DGCR8: variants seen among roughly 807,000 people sequenced by gnomAD.
DGCR8 encodes the protein microprocessor complex subunit DGCR8.
Under a neutral mutation model 78.5 loss-of-function variants are expected in DGCR8, and 14 were observed. The observed-to-expected ratio is 0.18, with a 90% CI of 0.12 to 0.28. DGCR8 has a LOEUF of 0.28. Among genes scored for constraint, DGCR8 ranks in the 10% least tolerant of loss-of-function variants. DGCR8 has a pLI of 1.00. For synonymous variants in DGCR8, 399 were observed against 402.4 expected (o/e 0.99, Z 0.10); for missense variants, 702 against 1,022.5 (o/e 0.69, Z 4.28).
Position 20,085,930 on chromosome 22 carries a change from C to T in DGCR8, c.-34C>T. The T allele has an allele frequency of 2.0e-6, 3 of 1,508,990 alleles. No homozygotes were observed. The highest frequency in any genetic ancestry group is 2.6e-6 in the Non-Finnish European group (3 of 1,134,906). The allele number at this position is 1,508,990 out of a possible 1,614,324, so 93.5% of individuals were successfully genotyped here. A position where few individuals can be genotyped will look rare whatever the true frequency, so the allele number is the denominator to read the frequency against. On this transcript the variant is annotated 5_prime_UTR_variant, in exon 2 of 14. Coordinates refer to ENST00000351989, the MANE Select transcript of DGCR8 (RefSeq NM_022720.7). This position sits in a 1 kb window ranked among gnomAD's most constrained non-coding sequence, Gnocchi z 6.2. ...GATTTATGTGAGGGCTTGTAAAACT[C>T]TGGTCTTGTAAACTAGTCTTAAGCG...
In DGCR8 at chr22:20,111,427, C is replaced by T; in HGVS notation, c.*1319C>T. Reference sequence around the variant, plus strand: ...TGTGGGCCGCCCACAACATATCCTTCCCTCACTACCTGTGTGACCAAGGTT... The same window carrying T: ...TGTGGGCCGCCCACAACATATCCTTTCCTCACTACCTGTGTGACCAAGGTT... On this transcript the variant is annotated 3_prime_UTR_variant, in exon 14 of 14. Coordinates refer to ENST00000351989, the MANE Select transcript of DGCR8 (RefSeq NM_022720.7). The T allele has an allele frequency of 5.0e-6, 2 of 397,926 alleles. No homozygotes were observed. The highest frequency in any genetic ancestry group is 4.4e-6 in the Non-Finnish European group (1 of 225,972). 24.6% of individuals were successfully genotyped at this position (397,926 alleles called of 1,614,324 possible). A position where few individuals can be genotyped will look rare whatever the true frequency, so the allele number is the denominator to read the frequency against.
chr22:20,080,385 T>C lies in DGCR8; in HGVS notation c.-278+2T>C. Reference sequence around the variant, plus strand: ...TTGGGCAGCCCGCGGGCGCCTCAGGTAGGTGCGGGGCGCGAGGGGCGCCCG... The same window carrying C: ...TTGGGCAGCCCGCGGGCGCCTCAGGCAGGTGCGGGGCGCGAGGGGCGCCCG... On this transcript the variant is annotated splice_donor_variant, in intron 1 of 13. Transcript: ENST00000351989. LOFTEE classifies it low-confidence loss of function (5UTR_SPLICE). 1 of 932,180 alleles carries C rather than the reference T, an allele frequency of 1.1e-6. No individual in the cohort carries two copies. The highest frequency in any genetic ancestry group is 1.2e-6 in the Non-Finnish European group (1 of 809,956). 57.7% of individuals were successfully genotyped at this position (932,180 alleles called of 1,614,324 possible). A position where few individuals can be genotyped will look rare whatever the true frequency, so the allele number is the denominator to read the frequency against.
Position 20,110,831 on chromosome 22 carries a change from TTAATTCCC to T in DGCR8, c.*727_*734del, listed in dbSNP as rs1294600802. On this transcript the variant is annotated 3_prime_UTR_variant, in exon 14 of 14. Transcript: ENST00000351989. Reference sequence around the variant, plus strand: ...TAGGGTCCCTTTTTCTGATGAAGTCTTAATTCCCTAAAAGCGCCTCTTTGGACACTGAG... The same window carrying T: ...TAGGGTCCCTTTTTCTGATGAAGTCTTAAAAGCGCCTCTTTGGACACTGAG... 2 of 197,754 alleles carry T rather than the reference TTAATTCCC, an allele frequency of 1.0e-5. No individual in the cohort carries two copies. The highest frequency in any genetic ancestry group is 4.6e-5 in the African/African-American group (2 of 43,240). The allele number at this position is 197,754 out of a possible 1,614,324, so 12.2% of individuals were successfully genotyped here.
intron 1 of DGCR8, chr22:20,080,725 T>C (rs1259902112): frequency 2.6e-5 from 4 of 154,546 alleles, no homozygotes; most frequent in African/African-American, 9.6e-5. Context: ...CCCTGCCGGC[T>C]TTAACACAGT....
chr22:20,107,620 G>C, intron 12 of DGCR8: 1 of 571,730 alleles, frequency 1.7e-6, no homozygotes, highest in South Asian at 2.0e-5. Context: ...GTGGGTGATT[G>C]GGAACGCAGG....
At chr22:20,084,880 C>T in intron 1 of DGCR8, 3 of 672,454 alleles carry the variant, frequency 4.5e-6, no homozygotes, top group Non-Finnish European at 5.5e-6. Context: ...TGTGGGTCTC[C>T]CCTCTCAAGT....
intron 8 of DGCR8, among the ~76,000 whole-genome samples, chr22:20,094,447 G>A (rs377762234): frequency 2.6e-5 from 4 of 152,178 alleles, no homozygotes; most frequent in African/African-American, 9.7e-5. Flanking sequence ...ATACAGCTCC[G>A]AGCTCCTCCC....
chr22:20,093,057 A>T, intron 8 of DGCR8, 150 bp downstream of exon 8: 1 of 601,476 alleles, frequency 1.7e-6, no homozygotes, highest in Non-Finnish European at 2.8e-6. Flanking sequence ...TTTGATTTTT[A>T]AAATTACATG....
chr22:20,094,707 TC>T lies in DGCR8; in HGVS notation c.1706-5del, dbSNP rs2049607277. ...AGCCTCACCCTCGGGCTCTTTTTTT[TC>T]ATAGCCCGAGCTACACTGGAAATCC... is the stretch of plus-strand genomic sequence containing the variant. On this transcript the variant is annotated splice_polypyrimidine_tract_variant and splice_region_variant and intron_variant, in intron 8 of 13. Coordinates refer to ENST00000351989, the MANE Select transcript of DGCR8 (RefSeq NM_022720.7). The T allele has an allele frequency of 6.2e-7, 1 of 1,613,658 alleles. No individual in the cohort carries two copies. The highest frequency in any genetic ancestry group is 8.5e-7 in the Non-Finnish European group (1 of 1,179,830).
chr22:20,106,156 A>G, intron 9 of DGCR8, 21 bp from the exon 10 acceptor site: 1 of 1,611,188 alleles, frequency 6.2e-7, no homozygotes, highest in Non-Finnish European at 8.5e-7. Flanking sequence ...GGGACTCACA[A>G]GCCTCTGCTT....
rs2049403128 is a variant in DGCR8, at chr22:20,080,379, C to T, written c.-282C>T. The stretch of plus-strand genomic sequence containing the variant: ...GGCGGCTTGGGCAGCCCGCGGGCGC[C>T]TCAGGTAGGTGCGGGGCGCGAGGGG... On this transcript the variant is annotated 5_prime_UTR_variant, in exon 1 of 14. Coordinates refer to ENST00000351989, the MANE Select transcript of DGCR8 (RefSeq NM_022720.7). 1.0e-6 allele frequency: 1 copy of T among 959,752 alleles called. No homozygotes were observed. Among genetic ancestry groups the T allele is most frequent in the Non-Finnish European group, 1.2e-6 (1 of 820,790 alleles). 59.5% of individuals were successfully genotyped at this position (959,752 alleles called of 1,614,324 possible).
At chr22:20,101,892 A>T (rs2049706548) in intron 9 of DGCR8, 2 of 985,190 alleles carry the variant, frequency 2.0e-6, no homozygotes, top group Non-Finnish European at 2.4e-6. Context: ...ACATGTCAGG[A>T]GGGGCGGGTT....
chr22:20,097,360 G>A (rs1047823978), intron 9 of DGCR8, among the ~76,000 whole-genome samples: 23 of 152,218 alleles, frequency 1.5e-4, no homozygotes, highest in African/African-American at 5.1e-4. Context: ...CATGTTATAG[G>A]TCTATTGAGA....
intron 8 of DGCR8, among the ~76,000 whole-genome samples, chr22:20,093,296 T>C (rs1184677752): frequency 6.6e-6 from 1 of 151,888 alleles, no homozygotes; most frequent in Non-Finnish European, 1.5e-5. Flanking sequence ...TCTCAGCTAC[T>C]CGGGAGGCTG....
intron 12 of DGCR8, chr22:20,108,047 G>GT (rs2049790997): frequency 6.5e-6 from 1 of 153,272 alleles, no homozygotes; most frequent in South Asian, 2.1e-4. Context: ...CTAGGACTGT[G>GT]TGGTGGGTGG....
chr22:20,081,142 G>C (rs903478032), intron 1 of DGCR8, among the ~76,000 whole-genome samples: 1 of 152,214 alleles, frequency 6.6e-6, no homozygotes, highest in Non-Finnish European at 1.5e-5. Context: ...TTGCCTCTAA[G>C]TGCGGGATAT....
In DGCR8 at chr22:20,087,462, T is replaced by C; in HGVS notation, c.880+141T>C. On this transcript the variant is annotated intron_variant, in intron 3 of 13. Coordinates refer to ENST00000351989, the MANE Select transcript of DGCR8 (RefSeq NM_022720.7). This position sits in a 1 kb window ranked among gnomAD's most constrained non-coding sequence, Gnocchi z 4.1. ...TGTTTGAGGACAGGACAGAAATATC[T>C]GAGGAGGGAAACACAGGATGGGAGG... The C allele has an allele frequency of 1.0e-6, 1 of 985,442 alleles. No homozygotes were observed. Among genetic ancestry groups the C allele is most frequent in the Middle Eastern group, 3.2e-4 (1 of 3,124 alleles). The allele number at this position is 985,442 out of a possible 1,614,324, so 61.0% of individuals were successfully genotyped here. A position where few individuals can be genotyped will look rare whatever the true frequency, so the allele number is the denominator to read the frequency against.
At chr22:20,090,989 G>A (rs746116253) in intron 5 of DGCR8, among the ~76,000 whole-genome samples, 6 of 152,112 alleles carry the variant, frequency 3.9e-5, no homozygotes, top group Non-Finnish European at 5.9e-5. Flanking sequence ...TGACAAATGC[G>A]AGGCCCTGTG....
At position 20,080,375 on chromosome 22, in the gene DGCR8, G is replaced by A; in HGVS notation, c.-286G>A. 4.1e-6 allele frequency: 4 copies of A among 967,800 alleles called. No homozygotes were observed. Among genetic ancestry groups the A allele is most frequent in the Non-Finnish European group, 4.9e-6 (4 of 823,542 alleles). The allele number at this position is 967,800 out of a possible 1,614,324, so 60.0% of individuals were successfully genotyped here. A position where few individuals can be genotyped will look rare whatever the true frequency, so the allele number is the denominator to read the frequency against. ...TGCGGGCGGCTTGGGCAGCCCGCGGGCGCCTCAGGTAGGTGCGGGGCGCGA... is the reference window on the plus strand; with the variant it reads ...TGCGGGCGGCTTGGGCAGCCCGCGGACGCCTCAGGTAGGTGCGGGGCGCGA... On this transcript the variant is annotated 5_prime_UTR_variant, in exon 1 of 14. Transcript: ENST00000351989.
Sources: allele counts gnomAD v4.1 joint callset (sites outside exome capture counted in the v4.1 genomes callset), GRCh38; gene constraint gnomAD v4.1.1; non-coding constraint Gnocchi (gnomAD v3.1); transcripts MANE v1.5; gene names NCBI Gene and HGNC (gene_info 2026-07-23, HGNC 2026-07-21).